The following GMDS variants were observed in gnomAD, a reference collection of about 807,000 sequenced individuals.
GMDS encodes GDP-mannose 4,6 dehydratase.
Under a neutral mutation model 49.9 loss-of-function variants are expected in GMDS, and 20 were observed. The ratio of observed to expected loss-of-function variants is 0.40; its 90% confidence interval spans 0.28 to 0.58. GMDS has a LOEUF of 0.58. Ranked by LOEUF, GMDS falls within the 20% of genes least tolerant of loss-of-function variation. The pLI is 0.42. For synonymous variants in GMDS, 177 were observed against 178.6 expected (o/e 0.99, Z 0.07); for missense variants, 362 against 481.4 (o/e 0.75, Z 2.32).
At chr6:2,235,192 G>A (rs1781301186) in intron 1 of GMDS, among the ~76,000 whole-genome samples, 1 of 152,212 alleles carries the variant, frequency 6.6e-6, no homozygotes, top group Non-Finnish European at 1.5e-5. Flanking sequence ...AGCCAACAGA[G>A]TTAGAATCAT....
intron 1 of GMDS, among the ~76,000 whole-genome samples, chr6:2,183,310 A>G (rs547689526): frequency 1.3e-5 from 2 of 152,034 alleles, no homozygotes; most frequent in East Asian, 1.9e-4. Flanking sequence ...CAACATTAAC[A>G]TAAGTTTGGA....
chr6:2,229,683 G>A (rs1780989544), intron 1 of GMDS, among the ~76,000 whole-genome samples: 1 of 152,126 alleles, frequency 6.6e-6, no homozygotes, highest in African/African-American at 2.4e-5. Flanking sequence ...TTAATTCCAA[G>A]GCCAGAATTC....
chr6:1,878,118 C>A (rs933343918), intron 7 of GMDS, among the ~76,000 whole-genome samples: 36 of 152,100 alleles, frequency 2.4e-4, no homozygotes, highest in African/African-American at 8.7e-4. Flanking sequence ...TCGAGACCAT[C>A]CTGGCTAACA....
At chr6:2,075,196 AC>A (rs1406026680) in intron 4 of GMDS, among the ~76,000 whole-genome samples, 1 of 152,044 alleles carries the variant, frequency 6.6e-6, no homozygotes, top group Non-Finnish European at 1.5e-5. Context: ...TTTGATAGGG[AC>A]TGCACTGATA....
chr6:1,687,434 A>C (rs543653593), intron 9 of GMDS, among the ~76,000 whole-genome samples: 4 of 152,290 alleles, frequency 2.6e-5, no homozygotes, highest in African/African-American at 7.2e-5. Context: ...CAAGGTCAGG[A>C]GCTGCATTCA....
chr6:1,646,336 T>G (rs1488111797), intron 9 of GMDS, among the ~76,000 whole-genome samples: 1 of 152,168 alleles, frequency 6.6e-6, no homozygotes, highest in Non-Finnish European at 1.5e-5. Context: ...TCATTCCACC[T>G]AGGGCTTTTC....
At chr6:2,197,390 G>A (rs963124553) in intron 1 of GMDS, among the ~76,000 whole-genome samples, 5 of 152,194 alleles carry the variant, frequency 3.3e-5, no homozygotes, top group Non-Finnish European at 7.3e-5. Flanking sequence ...CCTGAGGAAG[G>A]TAGATAGTTT....
chr6:2,180,459 A>C (rs1368245643), intron 1 of GMDS, among the ~76,000 whole-genome samples: 1 of 152,242 alleles, frequency 6.6e-6, no homozygotes, highest in Non-Finnish European at 1.5e-5. Context: ...AATGGTTAGC[A>C]AACATAAAAA....
intron 4 of GMDS, among the ~76,000 whole-genome samples, chr6:2,008,386 C>T (rs114157926): frequency 8.5e-5 from 13 of 152,130 alleles, no homozygotes; most frequent in African/African-American, 1.7e-4. Context: ...ACATATGATG[C>T]GTTTTTCTTC....
At chr6:1,996,935 C>T (rs183993699) in intron 4 of GMDS, among the ~76,000 whole-genome samples, 1 of 152,086 alleles carries the variant, frequency 6.6e-6, no homozygotes, top group East Asian at 1.9e-4. Flanking sequence ...GGAGTAAGAC[C>T]CTAGTCTTTT....
At chr6:1,890,781 A>C (rs1759833155) in intron 7 of GMDS, among the ~76,000 whole-genome samples, 1 of 152,240 alleles carries the variant, frequency 6.6e-6, no homozygotes. Flanking sequence ...TTAACACTTC[A>C]TATGAATTAC....
At chr6:2,105,514 G>T (rs1438305934) in intron 4 of GMDS, among the ~76,000 whole-genome samples, 1 of 152,012 alleles carries the variant, frequency 6.6e-6, no homozygotes, top group Non-Finnish European at 1.5e-5. Context: ...GAGCCATATG[G>T]GAATGTTACA....
chr6:1,940,665 C>G (rs553985517), intron 6 of GMDS, among the ~76,000 whole-genome samples: 9 of 152,358 alleles, frequency 5.9e-5, no homozygotes, highest in African/African-American at 2.2e-4. Flanking sequence ...TAAAAGAGGA[C>G]AATTCACAAT....
intron 7 of GMDS, among the ~76,000 whole-genome samples, chr6:1,826,660 T>C (rs1483519161): frequency 6.6e-6 from 1 of 152,234 alleles, no homozygotes; most frequent in Non-Finnish European, 1.5e-5. Flanking sequence ...TGAGGTTTTA[T>C]CAAGAATGTC....
chr6:1,994,875 C>T (rs763899901), intron 4 of GMDS, among the ~76,000 whole-genome samples: 13 of 152,104 alleles, frequency 8.5e-5, no homozygotes, highest in Non-Finnish European at 1.6e-4. Flanking sequence ...ATATGGAAAT[C>T]ACTAAAGCAA....
intron 4 of GMDS, among the ~76,000 whole-genome samples, chr6:2,006,756 A>G (rs1211686694): frequency 6.6e-6 from 1 of 152,060 alleles, no homozygotes; most frequent in African/African-American, 2.4e-5. Context: ...CCCTAAATAA[A>G]TTAATCACAC....
At chr6:1,879,319 T>G (rs1225757231) in intron 7 of GMDS, among the ~76,000 whole-genome samples, 4 of 152,182 alleles carry the variant, frequency 2.6e-5, no homozygotes, top group Non-Finnish European at 4.4e-5. Flanking sequence ...AGAAAGGTGG[T>G]GGAATTTATC....
intron 4 of GMDS, among the ~76,000 whole-genome samples, chr6:1,999,970 T>TTATA (rs368304514): frequency 0.28 from 3,013 of 10,822 alleles, 722 homozygotes; most frequent in South Asian, 0.38. Context: ...TATATATATA[T>TTATA]TATATATATA....
intron 4 of GMDS, among the ~76,000 whole-genome samples, chr6:2,097,985 T>C (rs1411051758): frequency 1.3e-5 from 2 of 151,744 alleles, no homozygotes; most frequent in African/African-American, 4.9e-5. Context: ...TATAAAGCTG[T>C]TTCAATGCTC....
Sources: allele counts gnomAD v4.1 joint callset (sites outside exome capture counted in the v4.1 genomes callset), GRCh38; gene constraint gnomAD v4.1.1; transcripts MANE v1.5; gene names NCBI Gene and HGNC (gene_info 2026-07-23, HGNC 2026-07-21).